Variants in GRIK3 observed in about 807,000 individuals in gnomAD.
GRIK3 encodes the protein glutamate receptor ionotropic, kainate 3.
GRIK3 carries 29 observed loss-of-function variants against 102.5 expected under a neutral mutation model. The observed-to-expected ratio is 0.28, with a 90% CI of 0.21 to 0.39. The LOEUF is 0.39. Among genes scored for constraint, GRIK3 ranks in the 10% least tolerant of loss-of-function variants. The pLI is 1.00. For missense variants in GRIK3, 908 were observed against 1,252.4 expected (o/e 0.73, Z 4.15); for synonymous variants, 511 against 504.9 (o/e 1.01, Z -0.16).
intron 1 of GRIK3, among the ~76,000 whole-genome samples, chr1:36,958,403 GTGTGCCCCGTGAGTC>G (rs1460572393): frequency 1.5e-4 from 15 of 100,308 alleles, no homozygotes; most frequent in South Asian, 3.4e-4. Flanking sequence ...CTGTGAGCCT[GTGTGCCCCGTGAGTC>G]TGTGCCCCGT....
chr1:36,842,947 C>G (rs1041713675), intron 9 of GRIK3, among the ~76,000 whole-genome samples: 3 of 152,152 alleles, frequency 2.0e-5, no homozygotes, highest in African/African-American at 7.2e-5. Context: ...CAGGAAGGTG[C>G]TTGTGGGTCA....
At chr1:36,823,939 G>C (rs577539259) in intron 11 of GRIK3, among the ~76,000 whole-genome samples, 1 of 152,280 alleles carries the variant, frequency 6.6e-6, no homozygotes, top group East Asian at 1.9e-4. Flanking sequence ...CTATAAACTG[G>C]GGATAATTAT....
intron 15 of GRIK3, among the ~76,000 whole-genome samples, chr1:36,803,914 T>C (rs1020078417): frequency 6.6e-6 from 1 of 152,246 alleles, no homozygotes; most frequent in African/African-American, 2.4e-5. Flanking sequence ...AATAAAACCA[T>C]GTCTATCTTT....
In GRIK3 at chr1:36,939,763, T is replaced by C. The variant is rs1420328191; in HGVS notation, c.116-48667A>G. Among the ~76,000 whole-genome samples, 5 of 152,212 alleles carry C rather than the reference T, an allele frequency of 3.3e-5. 1 individual carries two copies. The highest frequency in any genetic ancestry group is 7.3e-5 in the Non-Finnish European group (5 of 68,038). Reference sequence around the variant, plus strand: ...GTAACCAAGATAGTGTGCCCAAGTCTGAATGTTGCTATTTCTCAGAGAATG... The same window carrying C: ...GTAACCAAGATAGTGTGCCCAAGTCCGAATGTTGCTATTTCTCAGAGAATG... On this transcript the variant is annotated intron_variant, in intron 1 of 15. Transcript: ENST00000373091.
intron 13 of GRIK3, among the ~76,000 whole-genome samples, chr1:36,812,697 A>C (rs1215518449): frequency 6.6e-6 from 1 of 152,098 alleles, no homozygotes; most frequent in Non-Finnish European, 1.5e-5. Flanking sequence ...AGAGCCCAGC[A>C]TCCCGCTTCC....
chr1:36,856,405 C>G lies in GRIK3; in HGVS notation c.1105-2683G>C, dbSNP rs916996042. On this transcript the variant is annotated intron_variant, in intron 7 of 15. Coordinates refer to ENST00000373091, the MANE Select transcript of GRIK3 (RefSeq NM_000831.4). Reference sequence around the variant, plus strand: ...TGCGCTGCCCGCCCCCTCTAGCCACCGCTCAGGACTTGCTAAATGAAAGAT... The same window carrying G: ...TGCGCTGCCCGCCCCCTCTAGCCACGGCTCAGGACTTGCTAAATGAAAGAT... Among the ~76,000 whole-genome samples, 6 of 152,360 alleles carry G rather than the reference C, an allele frequency of 3.9e-5. No individual in the cohort carries two copies. In the East Asian group the frequency reaches 9.7e-4, roughly 25 times the overall value.
At chr1:36,929,411 T>C (rs1641563897) in intron 1 of GRIK3, among the ~76,000 whole-genome samples, 2 of 152,140 alleles carry the variant, frequency 1.3e-5, no homozygotes, top group African/African-American at 4.8e-5. Flanking sequence ...GATCCTGGGG[T>C]TAACAAGCAC....
At chr1:37,000,962 T>C (rs1224095692) in intron 1 of GRIK3, among the ~76,000 whole-genome samples, 3 of 152,230 alleles carry the variant, frequency 2.0e-5, no homozygotes, top group Non-Finnish European at 4.4e-5. Flanking sequence ...TGATTCCACT[T>C]AATCCTCTGC....
At chr1:36,888,822 TACC>T (rs1641071638) in intron 2 of GRIK3, among the ~76,000 whole-genome samples, 1 of 152,134 alleles carries the variant, frequency 6.6e-6, no homozygotes, top group South Asian at 2.1e-4. Context: ...TTCCTGCTTG[TACC>T]ACAACACTTC....
At chr1:36,960,098 A>G (rs1196367207) in intron 1 of GRIK3, among the ~76,000 whole-genome samples, 9 of 77,712 alleles carry the variant, frequency 1.2e-4, no homozygotes, top group African/African-American at 2.5e-4. Flanking sequence ...TGTGCCCCAT[A>G]AGCCTGTGTG....
chr1:36,916,089 T>C lies in GRIK3; in HGVS notation c.116-24993A>G, dbSNP rs576614936. Among the ~76,000 whole-genome samples the C allele has an allele frequency of 1.6e-4, 24 of 152,328 alleles. 1 individual carries two copies. Among genetic ancestry groups the C allele is most frequent in the African/African-American group, 5.3e-4 (22 of 41,570 alleles). On this transcript the variant is annotated intron_variant, in intron 1 of 15. Transcript: ENST00000373091. Reference sequence around the variant, plus strand: ...GTCAATGAAATTCAGGCTGATGTGATCTCAGATGGAGATGAGGAACTTGTT... The same window carrying C: ...GTCAATGAAATTCAGGCTGATGTGACCTCAGATGGAGATGAGGAACTTGTT...
intron 10 of GRIK3, among the ~76,000 whole-genome samples, chr1:36,838,488 T>C (rs569858): frequency 0.2 from 31,001 of 152,060 alleles, 3,907 homozygotes; most frequent in African/African-American, 0.36. Context: ...TTTATTGTTG[T>C]CCCTATAGTT....
intron 1 of GRIK3, among the ~76,000 whole-genome samples, chr1:36,896,368 A>G (rs1641172364): frequency 6.6e-6 from 1 of 152,150 alleles, no homozygotes; most frequent in Non-Finnish European, 1.5e-5. Context: ...TAAGGATGGG[A>G]GGGAGGAATT....
rs112177161 is a variant in GRIK3 at position 36,819,546 on chromosome 1, A to G, written c.1873+190T>C. 2.1e-3 allele frequency among the ~76,000 whole-genome samples: 316 copies of G among 152,244 alleles called. 4 individuals carry two copies. The East Asian group carries it at 0.027, about 13-fold the overall frequency. ...CCCTGAGCCAGCTCCAGCCAGAGTG[A>G]AGGTGGAAGTTAGGGGTCTGGGGCA... On this transcript the variant is annotated intron_variant, in intron 12 of 15. Transcript: ENST00000373091. This position sits in a 1 kb window ranked among gnomAD's most constrained non-coding sequence, Gnocchi z 4.1.
chr1:37,015,893 T>C (rs1368187820), intron 1 of GRIK3, among the ~76,000 whole-genome samples: 12 of 152,158 alleles, frequency 7.9e-5, no homozygotes, highest in African/African-American at 2.9e-4. Context: ...AGGACAGAGG[T>C]TGTTAAAATG....
intron 9 of GRIK3, among the ~76,000 whole-genome samples, chr1:36,844,737 G>A (rs1640500522): frequency 6.6e-6 from 1 of 152,260 alleles, no homozygotes; most frequent in East Asian, 1.9e-4. Flanking sequence ...ACTGTTAGCT[G>A]CCAATATTAT....
chr1:36,954,283 T>C (rs564494638), intron 1 of GRIK3, among the ~76,000 whole-genome samples: 1 of 152,300 alleles, frequency 6.6e-6, no homozygotes, highest in East Asian at 1.9e-4. Context: ...CTAAGACGTC[T>C]TGGAATGCTG....
chr1:36,976,588 C>T (rs763763790), intron 1 of GRIK3, among the ~76,000 whole-genome samples: 4 of 152,048 alleles, frequency 2.6e-5, no homozygotes, highest in Admixed American at 1.3e-4. Flanking sequence ...TTCACAACTG[C>T]CCAGATTGAG....
Position 36,806,893 on chromosome 1 carries a change from G to T in GRIK3, c.2092-567C>A, listed in dbSNP as rs554341037. On this transcript the variant is annotated intron_variant, in intron 13 of 15. Transcript: ENST00000373091. The surrounding 1 kb of genome is among the most constrained non-coding windows in gnomAD (Gnocchi z 4.0). The stretch of plus-strand genomic sequence containing the variant: ...TCACAGAAACCACTGTGAGGGTGGA[G>T]GGGGAGAGACAGCTGCTCATCGGGG... 3.3e-5 allele frequency among the ~76,000 whole-genome samples: 5 copies of T among 152,292 alleles called. No homozygotes were observed. Among genetic ancestry groups the T allele is most frequent in the Admixed American group, 3.3e-4 (5 of 15,298 alleles).
Sources: gnomAD v4.1 joint callset for allele counts (sites outside exome capture counted in the v4.1 genomes callset) on GRCh38, gnomAD v4.1.1 for gene constraint, Gnocchi (gnomAD v3.1) non-coding constraint, MANE v1.5 for transcripts, NCBI Gene and HGNC (gene_info 2026-07-23, HGNC 2026-07-21) for gene names.